PCDHGA7: variants seen among roughly 807,000 people sequenced by gnomAD.
The protein encoded by PCDHGA7 is protocadherin gamma subfamily A, 7.
In PCDHGA7, 44 loss-of-function variants were observed where a neutral mutation model predicts 58.3. The ratio of observed to expected loss-of-function variants is 0.75; its 90% CI spans 0.59 to 0.97. The LOEUF is 0.97. PCDHGA7 is among the 50% of genes least tolerant of loss of function. The pLI, the probability that PCDHGA7 is intolerant of heterozygous loss-of-function variation, is 0.00. For missense variants in PCDHGA7, 1,266 were observed against 1,188.7 expected (o/e 1.06, Z -0.96); for synonymous variants, 516 against 504.2 (o/e 1.02, Z -0.31).
rs920444759 is a variant in PCDHGA7, at chr5:141,432,767, C to G, written c.2424+47444C>G. On this transcript the variant is annotated intron_variant, in intron 1 of 3. Transcript: ENST00000518325. The surrounding 1 kb of genome is among the most constrained non-coding windows in gnomAD (Gnocchi z 6.0). ...CGTGGCCGTGGCCGACAGCATCCCC[C>G]AAGTCCTGGCGGACCTCGGCAGCCT... 2 of 1,614,058 alleles carry G rather than the reference C, an allele frequency of 1.2e-6. No individual in the cohort carries two copies. Among genetic ancestry groups the G allele is most frequent in the Admixed American group, 1.7e-5 (1 of 60,012 alleles).
At chr5:141,387,439 A>G (rs1437445923) in intron 1 of PCDHGA7, among the ~76,000 whole-genome samples, 2 of 152,248 alleles carry the variant, frequency 1.3e-5, no homozygotes, top group African/African-American at 4.8e-5. Context: ...TTATGTACTT[A>G]ATCTACATGA....
chr5:141,398,812 C>A, intron 1 of PCDHGA7: 1 of 1,613,942 alleles, frequency 6.2e-7, no homozygotes, highest in South Asian at 1.1e-5. Context: ...CACTGAGCTC[C>A]GGATCCAGGT....
intron 1 of PCDHGA7, chr5:141,426,680 T>C (rs1261836011): frequency 2.3e-6 from 1 of 431,334 alleles, no homozygotes; most frequent in East Asian, 7.2e-5. Flanking sequence ...CACCTCATTT[T>C]CCCCAAAATA....
intron 1 of PCDHGA7, among the ~76,000 whole-genome samples, chr5:141,469,304 C>T (rs890230691): frequency 2.0e-5 from 3 of 151,892 alleles, no homozygotes; most frequent in East Asian, 1.9e-4. Flanking sequence ...AGACTGGGCA[C>T]GATGGCTCAC....
Position 141,489,068 on chromosome 5 carries a change from G to GGCC in PCDHGA7, c.2425-5739_2425-5738insGCC. The GGCC allele has an allele frequency of 3.4e-6, 1 of 291,556 alleles. No individual in the cohort carries two copies. The allele number at this position is 291,556 out of a possible 1,614,324, so 18.1% of individuals were successfully genotyped here. A position where few individuals can be genotyped will look rare whatever the true frequency, so the allele number is the denominator to read the frequency against. ...CTCAAATTCAGCTCCCCTCCCCCCT[G>GGCC]CCCACCCCCGCCACTCGGTGACTAA... On this transcript the variant is annotated intron_variant, in intron 1 of 3. Coordinates refer to ENST00000518325, the MANE Select transcript of PCDHGA7 (RefSeq NM_018920.4). The surrounding 1 kb of genome is among the most constrained non-coding windows in gnomAD (Gnocchi z 4.5).
intron 1 of PCDHGA7, chr5:141,394,876 G>T: frequency 1.2e-6 from 2 of 1,613,866 alleles, no homozygotes; most frequent in Middle Eastern, 1.6e-4. Flanking sequence ...AACGATTCGA[G>T]CCTTACACTC....
At chr5:141,398,045 G>A (rs2093604271) in intron 1 of PCDHGA7, 1 of 1,498,158 alleles carries the variant, frequency 6.7e-7, no homozygotes. Flanking sequence ...AAGCCCGTTC[G>A]GAGATCCAAA....
rs1248867280 is a variant in PCDHGA7 at position 141,511,325 on chromosome 5, C to T, written c.*152C>T. 18 of 1,466,406 alleles carry T rather than the reference C, an allele frequency of 1.2e-5. No homozygotes were observed. Among genetic ancestry groups the T allele is most frequent in the Non-Finnish European group, 1.5e-5 (17 of 1,099,872 alleles). 90.8% of individuals were successfully genotyped at this position (1,466,406 alleles called of 1,614,324 possible). A position where few individuals can be genotyped will look rare whatever the true frequency, so the allele number is the denominator to read the frequency against. On this transcript the variant is annotated 3_prime_UTR_variant, in exon 4 of 4. Coordinates refer to ENST00000518325, the MANE Select transcript of PCDHGA7 (RefSeq NM_018920.4). ...TCCCCTTGGGAAACAGAAACAAGTG[C>T]CCAGTCAGCACCTACCCCTTCCCCC...
At chr5:141,433,358 C>CCTGCCTAT (rs1554125966) in intron 1 of PCDHGA7, 1 of 498,106 alleles carries the variant, frequency 2.0e-6, no homozygotes, top group Non-Finnish European at 3.5e-6. Flanking sequence ...CTACTGTCTG[C>CCTGCCTAT]CTATCTATCT....
At chr5:141,413,824 A>G (rs1265406182) in intron 1 of PCDHGA7, 1 of 1,613,114 alleles carries the variant, frequency 6.2e-7, no homozygotes, top group Middle Eastern at 1.6e-4. Context: ...CCTGGTCCTC[A>G]CCGCCTCCGA....
At chr5:141,496,662 T>A (rs557106775) in intron 2 of PCDHGA7, among the ~76,000 whole-genome samples, 1 of 152,344 alleles carries the variant, frequency 6.6e-6, no homozygotes, top group African/African-American at 2.4e-5. Flanking sequence ...TGACCCCAGC[T>A]GTTGTCCTTC....
Position 141,501,290 on chromosome 5 carries a change from TACACACACACACAC to T in PCDHGA7, c.2484-4072_2484-4059del, listed in dbSNP as rs55762287. ...GTCCAGTCTATGGGATATTCCCTTA[TACACACACACACAC>T]ACACACACACACACACACACACACA... On this transcript the variant is annotated intron_variant, in intron 2 of 3. Transcript: ENST00000518325. Among the ~76,000 whole-genome samples, 10 of 136,248 alleles carry T rather than the reference TACACACACACACAC, an allele frequency of 7.3e-5. No homozygotes were observed. In the South Asian group the frequency reaches 1.2e-3, roughly 16 times the overall value. 89.4% of individuals were successfully genotyped at this position (136,248 alleles called of 152,430 possible).
At chr5:141,410,258 G>C in intron 1 of PCDHGA7, 1 of 1,614,022 alleles carries the variant, frequency 6.2e-7, no homozygotes, top group Non-Finnish European at 8.5e-7. Context: ...TGACCCCCAG[G>C]CTGAACTGCA....
intron 1 of PCDHGA7, among the ~76,000 whole-genome samples, chr5:141,466,387 A>G (rs1312030857): frequency 1.3e-5 from 2 of 152,108 alleles, no homozygotes; most frequent in Non-Finnish European, 2.9e-5. Flanking sequence ...CATCTAATGG[A>G]AAGTTTGCTC....
In PCDHGA7 at chr5:141,399,285, C is replaced by T. The variant is rs751998465; in HGVS notation, c.2424+13962C>T. 3 of 1,613,720 alleles carry T rather than the reference C, an allele frequency of 1.9e-6. No homozygotes were observed. In the African/African-American group the frequency reaches 4.0e-5, roughly 22 times the overall value. ...TTAATTGTCAATTACAAGGCGAAGTCCCTTTTAAGATTATCTCTTCATCCA... is the reference window on the plus strand; with the variant it reads ...TTAATTGTCAATTACAAGGCGAAGTTCCTTTTAAGATTATCTCTTCATCCA... On this transcript the variant is annotated intron_variant, in intron 1 of 3. Coordinates refer to ENST00000518325, the MANE Select transcript of PCDHGA7 (RefSeq NM_018920.4).
chr5:141,434,724 C>T (rs2097712360), intron 1 of PCDHGA7, among the ~76,000 whole-genome samples: 2 of 151,800 alleles, frequency 1.3e-5, no homozygotes, highest in Admixed American at 1.3e-4. Flanking sequence ...GTTCAGGGCT[C>T]TCAGCTCTGA....
chr5:141,423,488 ATTC>A, intron 1 of PCDHGA7: 1 of 1,613,954 alleles, frequency 6.2e-7, no homozygotes, highest in Non-Finnish European at 8.5e-7. Flanking sequence ...CTGCAAACCT[ATTC>A]CCACGAGGTC....
In PCDHGA7 at chr5:141,477,088, C is replaced by G. The variant is rs1008530221; in HGVS notation, c.2425-17719C>G. On this transcript the variant is annotated intron_variant, in intron 1 of 3. Transcript: ENST00000518325. This position sits in a 1 kb window ranked among gnomAD's most constrained non-coding sequence, Gnocchi z 4.9. ...AACTCCATGAGATTTACATCCAGGC[C>G]AAAGACAAGGGCGCCAATCCCGAAG... The G allele has an allele frequency of 1.2e-6, 2 of 1,614,112 alleles. No individual in the cohort carries two copies. The highest frequency in any genetic ancestry group is 1.6e-4 in the Middle Eastern group (1 of 6,084).
At chr5:141,508,700 CCT>C in intron 3 of PCDHGA7, among the ~76,000 whole-genome samples, 1 of 152,158 alleles carries the variant, frequency 6.6e-6, no homozygotes, top group Non-Finnish European at 1.5e-5. Flanking sequence ...CCGTGTTCCT[CCT>C]CATTCTTTTC....
Sources: allele counts gnomAD v4.1 joint callset (sites outside exome capture counted in the v4.1 genomes callset), GRCh38; gene constraint gnomAD v4.1.1; non-coding constraint Gnocchi (gnomAD v3.1); transcripts MANE v1.5; gene names NCBI Gene and HGNC (gene_info 2026-07-23, HGNC 2026-07-21).